The following HMG20A variants were observed in gnomAD, a reference collection of about 807,000 sequenced individuals.
HMG20A encodes the protein high mobility group protein 20A.
In HMG20A, 17 loss-of-function variants were observed where a neutral mutation model predicts 43.9. The ratio of observed to expected loss-of-function variants is 0.39; its 90% CI spans 0.27 to 0.58. HMG20A has a LOEUF of 0.58. Among genes scored for constraint, HMG20A ranks in the 20% least tolerant of loss-of-function variants. The pLI is 0.59. For missense variants in HMG20A, 341 were observed against 438.2 expected, an observed-to-expected ratio of 0.78 and a Z score of 1.98; for synonymous variants, 132 against 147.5, an observed-to-expected ratio of 0.89 and a Z score of 0.76.
In HMG20A at chr15:77,480,796, G is replaced by A. The variant is rs940014415; in HGVS notation, c.*6+1475G>A. ...AATGGTCATTTCTCAAATGGAATTG[G>A]TATTTATTCATTCAAATTCCTAGAG... On this transcript the variant is annotated intron_variant, in intron 9 of 9. Transcript: ENST00000336216. Among the ~76,000 whole-genome samples, 2 of 149,340 alleles carry A rather than the reference G, an allele frequency of 1.3e-5. 1 individual carries two copies. The highest frequency in any genetic ancestry group is 4.2e-4 in the South Asian group (2 of 4,738).
At position 77,485,028 on chromosome 15, in the gene HMG20A, C is replaced by T. The variant is rs987551133; in HGVS notation, c.*2065C>T. The T allele has an allele frequency of 2.0e-5, 3 of 152,250 alleles. No homozygotes were observed. Among genetic ancestry groups the T allele is most frequent in the African/African-American group, 7.2e-5 (3 of 41,458 alleles). 9.4% of individuals were successfully genotyped at this position (152,250 alleles called of 1,614,324 possible). On this transcript the variant is annotated 3_prime_UTR_variant, in exon 10 of 10. Transcript: ENST00000336216. ...CATTCTTCTGACTCTAGATGGGACA[C>T]TTGACAGTGACTTGAAACATTTGCA...
rs77810630 is a variant in HMG20A at position 77,473,908 on chromosome 15, G to A, written c.615+2094G>A. Among the ~76,000 whole-genome samples, 795 of 152,278 alleles carry A rather than the reference G, an allele frequency of 5.2e-3. 5 individuals are homozygous for A. Among genetic ancestry groups the A allele is most frequent in the African/African-American group, 0.016 (683 of 41,566 alleles). On this transcript the variant is annotated intron_variant, in intron 6 of 9. Transcript: ENST00000336216. ...GCAGGATAAAGCTCCTTTAGTAAGCGTGTTGACCCAATTAATGTCCCTTAC... is the reference window on the plus strand; with the variant it reads ...GCAGGATAAAGCTCCTTTAGTAAGCATGTTGACCCAATTAATGTCCCTTAC...
At chr15:77,513,801 C>T in the HMG20A span, among the ~76,000 whole-genome samples, 5 of 151,782 alleles carry the variant, frequency 3.3e-5, no homozygotes, top group African/African-American at 7.3e-5. Flanking sequence ...TCTTGACTCA[C>T]GGCAACCTCC....
intron 1 of HMG20A, among the ~76,000 whole-genome samples, chr15:77,456,656 G>T (rs1179181628): frequency 7.6e-6 from 1 of 131,538 alleles, no homozygotes; most frequent in Non-Finnish European, 1.6e-5. Context: ...AAAAAAAAAA[G>T]CCAGTCAAGT....
chr15:77,503,581 G>C, the HMG20A span, among the ~76,000 whole-genome samples: 3 of 152,160 alleles, frequency 2.0e-5, no homozygotes, highest in African/African-American at 7.2e-5. Flanking sequence ...CACCCTAGGG[G>C]AGAGGCATTA....
chr15:77,471,737 G>T (rs1424676864), intron 5 of HMG20A, 46 bp from the exon 6 acceptor site: 1 of 1,343,824 alleles, frequency 7.4e-7, no homozygotes, highest in East Asian at 2.3e-5. Flanking sequence ...TTTTGTTATT[G>T]CTTTCTTTTT....
At chr15:77,439,445 A>G (rs1334329558) in intron 1 of HMG20A, among the ~76,000 whole-genome samples, 1 of 152,020 alleles carries the variant, frequency 6.6e-6, no homozygotes, top group Admixed American at 6.5e-5. Context: ...CTGTCACTAT[A>G]CGGTTGTTTT....
At chr15:77,466,985 C>G in intron 3 of HMG20A, 110 bp from the exon 4 acceptor site, 2 of 870,134 alleles carry the variant, frequency 2.3e-6, no homozygotes, top group Non-Finnish European at 3.5e-6. Flanking sequence ...GGCCAAATTG[C>G]AACTCTTAAT....
At chr15:77,501,280 C>G in the HMG20A span, among the ~76,000 whole-genome samples, 3 of 152,180 alleles carry the variant, frequency 2.0e-5, no homozygotes, top group South Asian at 6.2e-4. Context: ...ATCACCTCCA[C>G]TCTCTCTGAT....
intron 2 of HMG20A, among the ~76,000 whole-genome samples, chr15:77,458,929 C>G (rs1430614140): frequency 6.6e-6 from 1 of 152,056 alleles, no homozygotes; most frequent in African/African-American, 2.4e-5. Flanking sequence ...TGTTCCTTTC[C>G]CCATCCCACC....
At chr15:77,486,079 C>T (rs573480620), downstream of HMG20A, among the ~76,000 whole-genome samples, 36 of 152,230 alleles carry the variant, frequency 2.4e-4, no homozygotes, top group African/African-American at 8.7e-4. Flanking sequence ...GTATCTTTAC[C>T]GGTTTGAGAA....
chr15:77,424,285 T>G (rs939399496), intron 1 of HMG20A, among the ~76,000 whole-genome samples: 2 of 152,178 alleles, frequency 1.3e-5, no homozygotes, highest in African/African-American at 4.8e-5. Context: ...ACATGTATCA[T>G]TTTCCTACCA....
the HMG20A span, among the ~76,000 whole-genome samples, chr15:77,498,589 G>A: frequency 1.3e-5 from 2 of 152,104 alleles, no homozygotes; most frequent in Non-Finnish European, 2.9e-5. Flanking sequence ...GTGGGAGATG[G>A]GAACTCTGGG....
At chr15:77,500,597 G>C in the HMG20A span, among the ~76,000 whole-genome samples, 4 of 138,528 alleles carry the variant, frequency 2.9e-5, no homozygotes, top group African/African-American at 1.1e-4. Context: ...TCCAGCTCTT[G>C]TGCTCTTGTC....
At chr15:77,471,157 T>C in intron 5 of HMG20A, 115 bp downstream of exon 5, 4 of 1,022,366 alleles carry the variant, frequency 3.9e-6, no homozygotes, top group Non-Finnish European at 5.5e-6. Flanking sequence ...TTCTCCACTA[T>C]CCAGTATTCA....
At position 77,443,370 on chromosome 15, in the gene HMG20A, G is replaced by GATTATTATT. The variant is rs1491137059; in HGVS notation, c.-4-15032_-4-15031insTATTATTAT. Among the ~76,000 whole-genome samples the GATTATTATT allele has an allele frequency of 4.4e-3, 544 of 124,734 alleles. 1 individual carries two copies. Among genetic ancestry groups the GATTATTATT allele is most frequent in the Admixed American group, 7.0e-3 (80 of 11,444 alleles). 81.8% of individuals were successfully genotyped at this position (124,734 alleles called of 152,430 possible). A position where few individuals can be genotyped will look rare whatever the true frequency, so the allele number is the denominator to read the frequency against. On this transcript the variant is annotated intron_variant, in intron 1 of 9. Transcript: ENST00000336216. Reference sequence around the variant, plus strand: ...TATTTTTTATGATGATGATGATGATGATGATGATGATTATTATTATTATTA... The same window carrying GATTATTATT: ...TATTTTTTATGATGATGATGATGATGATTATTATTATGATGATGATTATTATTATTATTA...
chr15:77,497,390 A>G, the HMG20A span, among the ~76,000 whole-genome samples: 1 of 152,240 alleles, frequency 6.6e-6, no homozygotes, highest in Non-Finnish European at 1.5e-5. Flanking sequence ...CCCTCGGGCC[A>G]TACCCTTGCC....
the HMG20A span, among the ~76,000 whole-genome samples, chr15:77,499,490 C>T: frequency 6.6e-6 from 1 of 152,106 alleles, no homozygotes; most frequent in African/African-American, 2.4e-5. Flanking sequence ...AGCTCTTTAC[C>T]CTGCTCCCAG....
intron 1 of HMG20A, among the ~76,000 whole-genome samples, chr15:77,426,248 C>T (rs994401657): frequency 2.0e-4 from 31 of 152,042 alleles, no homozygotes; most frequent in African/African-American, 6.8e-4. Context: ...TGAGGGGGTT[C>T]GGGGTGCTAA....
Sources: gnomAD v4.1 joint callset for allele counts (sites outside exome capture counted in the v4.1 genomes callset) on GRCh38, gnomAD v4.1.1 for gene constraint, MANE v1.5 for transcripts, NCBI Gene and HGNC (gene_info 2026-07-23, HGNC 2026-07-21) for gene names.